KALRN: variants seen among roughly 807,000 people sequenced by gnomAD.
KALRN encodes the protein kalirin RhoGEF kinase, also known as kalirin.
KALRN carries 70 observed loss-of-function variants against 353.7 expected under a neutral mutation model. That is an observed-to-expected ratio of 0.20 (90% confidence interval 0.16 to 0.24). The LOEUF (loss-of-function observed/expected upper bound fraction) is 0.24, where lower values mean the gene tolerates loss of function less well. Among genes scored for constraint, KALRN ranks in the 10% least tolerant of loss-of-function variants. KALRN has a pLI of 1.00. For missense variants in KALRN, 2,791 were observed against 3,756.7 expected (o/e 0.74, Z 6.72); for synonymous variants, 1,391 against 1,434.8 (o/e 0.97, Z 0.69).
intron 47 of KALRN, among the ~76,000 whole-genome samples, chr3:124,669,361 C>T (rs562337205): frequency 6.6e-5 from 10 of 152,212 alleles, no homozygotes; most frequent in African/African-American, 2.4e-4. Flanking sequence ...CAAAAACAAA[C>T]CCTGTAGGGA....
intron 6 of KALRN, 123 bp downstream of exon 6, chr3:124,299,036 T>C: frequency 2.3e-6 from 3 of 1,318,614 alleles, no homozygotes; most frequent in Non-Finnish European, 3.2e-6. Context: ...CCCTTTGGTG[T>C]TCCATTTGTT....
rs904974080 is a variant in KALRN, at chr3:124,287,817, A to G, written c.970-10974A>G. Among the ~76,000 whole-genome samples, 352 of 127,702 alleles carry G rather than the reference A, an allele frequency of 2.8e-3. 1 individual carries two copies. The highest frequency in any genetic ancestry group is 4.9e-3 in the Non-Finnish European group (293 of 59,446). 83.8% of individuals were successfully genotyped at this position (127,702 alleles called of 152,430 possible). A position where few individuals can be genotyped will look rare whatever the true frequency, so the allele number is the denominator to read the frequency against. On this transcript the variant is annotated intron_variant, in intron 5 of 59. Coordinates refer to ENST00000682506, the MANE Select transcript of KALRN (RefSeq NM_001388419.1). ...TATATATATATATATATATATATATATATATATATGTATATAATTTTTATA... is the reference window on the plus strand; with the variant it reads ...TATATATATATATATATATATATATGTATATATATGTATATAATTTTTATA...
intron 33 of KALRN, among the ~76,000 whole-genome samples, chr3:124,549,126 C>G (rs575813046): frequency 6.6e-6 from 1 of 152,232 alleles, no homozygotes; most frequent in East Asian, 1.9e-4. Flanking sequence ...AACAGCTAGT[C>G]AGTGGTGGAA....
At chr3:124,450,217 G>A (rs1480407606) in intron 21 of KALRN, among the ~76,000 whole-genome samples, 1 of 152,152 alleles carries the variant, frequency 6.6e-6, no homozygotes, top group African/African-American at 2.4e-5. Flanking sequence ...TTGTTACTGT[G>A]TCTTTTTATA....
intron 5 of KALRN, among the ~76,000 whole-genome samples, chr3:124,282,518 C>G (rs1342571186): frequency 1.3e-5 from 2 of 151,918 alleles, no homozygotes; most frequent in South Asian, 2.1e-4. Context: ...ACTGGGATTA[C>G]AGGCATGTGC....
At chr3:124,269,581 C>T (rs907809794) in intron 5 of KALRN, among the ~76,000 whole-genome samples, 1 of 152,164 alleles carries the variant, frequency 6.6e-6, no homozygotes, top group Non-Finnish European at 1.5e-5. Flanking sequence ...AGTCTGGCTC[C>T]AGGGTCCCTG....
intron 43 of KALRN, among the ~76,000 whole-genome samples, chr3:124,660,237 T>C (rs1160137717): frequency 6.6e-6 from 1 of 152,190 alleles, no homozygotes; most frequent in Non-Finnish European, 1.5e-5. Flanking sequence ...CCGGCCTAAT[T>C]ATATTTTAAA....
chr3:124,425,034 C>T (rs625064), intron 15 of KALRN, among the ~76,000 whole-genome samples: 3,777 of 152,078 alleles, frequency 0.025, 77 homozygotes, highest in South Asian at 0.058. Context: ...GTGAAATGAG[C>T]CAGGCACAGA....
intron 11 of KALRN, among the ~76,000 whole-genome samples, chr3:124,392,891 C>T (rs2089639834): frequency 6.6e-6 from 1 of 151,320 alleles, no homozygotes; most frequent in Non-Finnish European, 1.5e-5. Flanking sequence ...CACCCACTAA[C>T]TCGTTATCTA....
intron 33 of KALRN, among the ~76,000 whole-genome samples, chr3:124,551,237 C>A (rs1013750777): frequency 2.0e-5 from 3 of 152,144 alleles, no homozygotes; most frequent in Non-Finnish European, 2.9e-5. Context: ...CACATTAGGA[C>A]TCACCCAGTA....
intron 1 of KALRN, among the ~76,000 whole-genome samples, chr3:124,057,562 G>A (rs923380958): frequency 2.0e-5 from 3 of 152,152 alleles, no homozygotes; most frequent in African/African-American, 7.2e-5. Flanking sequence ...TTTAACTGCA[G>A]CAGTCCTTAT....
chr3:124,179,096 C>A (rs1277629931), intron 1 of KALRN, among the ~76,000 whole-genome samples: 4 of 151,704 alleles, frequency 2.6e-5, no homozygotes, highest in Non-Finnish European at 4.4e-5. Flanking sequence ...GGTGACAGAG[C>A]AAAACCCTGT....
chr3:124,295,161 G>A (rs996006538), intron 5 of KALRN, among the ~76,000 whole-genome samples: 5 of 152,182 alleles, frequency 3.3e-5, no homozygotes, highest in South Asian at 2.1e-4. Context: ...GCAAGTTTAG[G>A]TCTAGAGAAG....
intron 1 of KALRN, among the ~76,000 whole-genome samples, chr3:124,142,931 C>T (rs1342801408): frequency 6.6e-6 from 1 of 152,124 alleles, no homozygotes; most frequent in African/African-American, 2.4e-5. Context: ...CCCACAAATG[C>T]CTCTGAACCC....
chr3:124,702,839 A>C (rs1375597488), intron 57 of KALRN, among the ~76,000 whole-genome samples: 1 of 152,184 alleles, frequency 6.6e-6, no homozygotes, highest in East Asian at 1.9e-4. Context: ...TGGTTAGAGA[A>C]CATTTAGTGT....
At chr3:124,579,571 G>A (rs2074430139) in intron 34 of KALRN, among the ~76,000 whole-genome samples, 1 of 152,124 alleles carries the variant, frequency 6.6e-6, no homozygotes, top group Admixed American at 6.5e-5. Context: ...GTATAAGCGA[G>A]GGGCGGGCAC....
intron 1 of KALRN, among the ~76,000 whole-genome samples, chr3:124,147,532 AATT>A (rs1040523774): frequency 1.3e-5 from 2 of 152,178 alleles, no homozygotes; most frequent in African/African-American, 4.8e-5. Context: ...ATTAGAAAAA[AATT>A]ATTTTGAAAT....
At chr3:124,279,758 C>T (rs2075155770) in intron 5 of KALRN, among the ~76,000 whole-genome samples, 1 of 152,226 alleles carries the variant, frequency 6.6e-6, no homozygotes, top group African/African-American at 2.4e-5. Flanking sequence ...AGATGAGCTA[C>T]ATTCAGGCCT....
At chr3:124,398,923 GC>G in intron 13 of KALRN, 52 bp downstream of exon 13, 1 of 1,542,492 alleles carries the variant, frequency 6.5e-7, no homozygotes, top group East Asian at 2.3e-5. Flanking sequence ...GTGCTTCCTG[GC>G]CAAGGGCACT....
Sources: allele counts gnomAD v4.1 joint callset (sites outside exome capture counted in the v4.1 genomes callset), GRCh38; gene constraint gnomAD v4.1.1; transcripts MANE v1.5; gene names NCBI Gene and HGNC (gene_info 2026-07-23, HGNC 2026-07-21).